Variants in SAMD5 observed in about 807,000 individuals in gnomAD.
The protein encoded by SAMD5 is sterile alpha motif domain containing 5.
In SAMD5, 13 loss-of-function variants were observed where a neutral mutation model predicts 11.3. The observed-to-expected ratio is 1.15, with a 90% CI of 0.75 to 1.83. SAMD5 has a LOEUF of 1.83. Among genes scored for constraint, SAMD5 ranks in the 40% most tolerant of loss-of-function variants. The probability of loss-of-function intolerance (pLI) is 0.00; values close to 1 mark genes in which losing one functional copy is unlikely to be tolerated. For missense variants in SAMD5, 255 were observed against 239.1 expected, an observed-to-expected ratio of 1.07 and a Z score of -0.44; for synonymous variants, 129 against 111.3, an observed-to-expected ratio of 1.16 and a Z score of -1.00.
chr6:147,939,510 A>C, the SAMD5 span, among the ~76,000 whole-genome samples: 1 of 152,214 alleles, frequency 6.6e-6, no homozygotes, highest in Non-Finnish European at 1.5e-5. Context: ...ATCACCCAAG[A>C]AATTCCAAGG....
chr6:147,737,416 A>G, exon 2 of SAMD5: 1 of 1,045,392 alleles, frequency 9.6e-7, no homozygotes, highest in Non-Finnish European at 1.3e-6. Flanking sequence ...GATGACTATA[A>G]GAAGATGTAT....
At chr6:147,534,463 T>A (rs966504060) in intron 1 of SAMD5, among the ~76,000 whole-genome samples, 9 of 152,182 alleles carry the variant, frequency 5.9e-5, no homozygotes, top group African/African-American at 2.2e-4. Flanking sequence ...GACAGGGGAA[T>A]TGCAATGGAG....
At chr6:147,784,200 A>AT in the SAMD5 span, among the ~76,000 whole-genome samples, 42 of 151,190 alleles carry the variant, frequency 2.8e-4, no homozygotes, top group East Asian at 4.5e-3. Flanking sequence ...AATTAAGGGA[A>AT]TTTTTTTTTT....
the SAMD5 span, among the ~76,000 whole-genome samples, chr6:147,878,654 C>A: frequency 2.4e-3 from 343 of 145,666 alleles, 2 homozygotes; most frequent in African/African-American, 8.2e-3. Flanking sequence ...GAGATTTATA[C>A]ATGTATCTAT....
At chr6:147,852,002 C>A in the SAMD5 span, among the ~76,000 whole-genome samples, 1 of 152,080 alleles carries the variant, frequency 6.6e-6, no homozygotes, top group Non-Finnish European at 1.5e-5. Flanking sequence ...CAAAAGCCAG[C>A]AATTGCTTAT....
the SAMD5 span, among the ~76,000 whole-genome samples, chr6:147,908,157 A>G: frequency 4.0e-3 from 608 of 152,288 alleles, 3 homozygotes; most frequent in African/African-American, 0.013. Context: ...AAATGTTTCT[A>G]TATTCCTACA....
intron 1 of SAMD5, among the ~76,000 whole-genome samples, chr6:147,715,792 G>A (rs761009190): frequency 1.3e-5 from 2 of 152,170 alleles, no homozygotes; most frequent in Non-Finnish European, 2.9e-5. Context: ...CTGCAGGTGG[G>A]GTGTCCTGAT....
the SAMD5 span, among the ~76,000 whole-genome samples, chr6:147,907,369 C>T: frequency 6.6e-6 from 1 of 152,210 alleles, no homozygotes; most frequent in Non-Finnish European, 1.5e-5. Context: ...ATCAAATCTG[C>T]ACATACGTTA....
In SAMD5 at chr6:147,630,672, G is replaced by A. The variant is rs371489638; in HGVS notation, c.163-106645G>A. ...CTGACCCTCTTTTCTGACTCAGCCC[G>A]CCTGCACCCAGGTGATTAAAAAGCT... On this transcript the variant is annotated intron_variant, in intron 1 of 1. Transcript: ENST00000566741. Among the ~76,000 whole-genome samples the A allele has an allele frequency of 1.3e-3, 199 of 151,954 alleles. 1 individual carries two copies. The highest frequency in any genetic ancestry group is 4.4e-3 in the African/African-American group (181 of 41,442).
chr6:147,808,472 G>T, the SAMD5 span, among the ~76,000 whole-genome samples: 4 of 152,150 alleles, frequency 2.6e-5, no homozygotes, highest in Non-Finnish European at 5.9e-5. Context: ...CCAAAGTGGT[G>T]GGATTACATA....
chr6:147,896,737 C>CCAAAAAAAAAAAAAAAAA, the SAMD5 span, among the ~76,000 whole-genome samples: 1 of 40,652 alleles, frequency 2.5e-5, no homozygotes, highest in Admixed American at 2.8e-4. Flanking sequence ...AGAACATTAA[C>CCAAAAAAAAAAAAAAAAA]CAAAAAAAAA....
intron 1 of SAMD5, among the ~76,000 whole-genome samples, chr6:147,610,375 C>A (rs1031883747): frequency 5.9e-5 from 9 of 152,112 alleles, no homozygotes. Flanking sequence ...GTTGGTGCAA[C>A]GACGACACTC....
the SAMD5 span, among the ~76,000 whole-genome samples, chr6:147,909,705 C>T: frequency 2.6e-5 from 4 of 151,046 alleles, no homozygotes; most frequent in Admixed American, 2.6e-4. Context: ...AACAGCTGTC[C>T]TCGTTTGTTT....
chr6:147,675,921 T>G (rs1790856396), intron 1 of SAMD5, among the ~76,000 whole-genome samples: 1 of 152,220 alleles, frequency 6.6e-6, no homozygotes, highest in African/African-American at 2.4e-5. Context: ...ATTACCCACT[T>G]GTAAATATGT....
intron 1 of SAMD5, among the ~76,000 whole-genome samples, chr6:147,531,146 G>A (rs1788423764): frequency 8.1e-6 from 1 of 122,854 alleles, no homozygotes; most frequent in Non-Finnish European, 1.6e-5. Flanking sequence ...AAAAATGATA[G>A]TCTTAAAAGT....
chr6:147,625,883 A>T (rs1790044229), intron 1 of SAMD5, among the ~76,000 whole-genome samples: 1 of 152,160 alleles, frequency 6.6e-6, no homozygotes, highest in African/African-American at 2.4e-5. Flanking sequence ...AAAGAACCCC[A>T]CTTTGGTTCC....
At chr6:147,522,779 A>G (rs898459203) in intron 1 of SAMD5, among the ~76,000 whole-genome samples, 2 of 152,164 alleles carry the variant, frequency 1.3e-5, no homozygotes, top group African/African-American at 4.8e-5. Context: ...GTCTCTGTCT[A>G]GACAGGTACA....
intron 1 of SAMD5, among the ~76,000 whole-genome samples, chr6:147,652,781 A>T (rs1790508904): frequency 6.6e-6 from 1 of 152,122 alleles, no homozygotes; most frequent in Non-Finnish European, 1.5e-5. Flanking sequence ...TTCTTATCCC[A>T]TATGATGTGT....
chr6:147,588,834 C>T (rs1789413128), intron 1 of SAMD5, among the ~76,000 whole-genome samples: 1 of 152,036 alleles, frequency 6.6e-6, no homozygotes. Context: ...TACTAATTTT[C>T]AATTCATGTA....
Sources: allele counts gnomAD v4.1 joint callset (sites outside exome capture counted in the v4.1 genomes callset), GRCh38; gene constraint gnomAD v4.1.1; transcripts MANE v1.5; gene names NCBI Gene and HGNC (gene_info 2026-07-23, HGNC 2026-07-21).